SCAPER: variants seen among roughly 807,000 people sequenced by gnomAD.
SCAPER encodes the protein S phase cyclin A-associated protein in the endoplasmic reticulum.
A neutral mutation model predicts 182.2 loss-of-function variants in SCAPER; 98 were observed. The observed-to-expected ratio is 0.54, with a 90% confidence interval of 0.46 to 0.64. The LOEUF is 0.64. Ranked by LOEUF, SCAPER falls within the 30% of genes least tolerant of loss-of-function variation. The probability of loss-of-function intolerance (pLI) is 0.00; values close to 1 mark genes in which losing one functional copy is unlikely to be tolerated. For synonymous variants in SCAPER, 605 were observed against 564.6 expected (o/e 1.07, Z -1.01); for missense variants, 1,432 against 1,690.0 (o/e 0.85, Z 2.68).
At chr15:76,843,805 A>G (rs1303506694) in intron 4 of SCAPER, among the ~76,000 whole-genome samples, 1 of 152,156 alleles carries the variant, frequency 6.6e-6, no homozygotes, top group East Asian at 1.9e-4. Flanking sequence ...CTTTAAAAAA[A>G]AAAATCATAG....
intron 20 of SCAPER, among the ~76,000 whole-genome samples, chr15:76,675,906 C>T (rs1428331832): frequency 6.6e-6 from 1 of 151,964 alleles, no homozygotes; most frequent in African/African-American, 2.4e-5. Context: ...CTTACTACAA[C>T]CTCCACCTCC....
At position 76,598,891 on chromosome 15, in the gene SCAPER, C is replaced by T. The variant is rs187130140; in HGVS notation, c.2711+22873G>A. On this transcript the variant is annotated intron_variant, in intron 22 of 31. Transcript: ENST00000563290. Reference sequence around the variant, plus strand: ...GTGCAGCATGGCACATGTATACCTACGTAACCTGTATGTTCTGCACATTTA... The same window carrying T: ...GTGCAGCATGGCACATGTATACCTATGTAACCTGTATGTTCTGCACATTTA... Among the ~76,000 whole-genome samples the T allele has an allele frequency of 9.4e-4, 110 of 116,570 alleles. 33 individuals are homozygous for T. The highest frequency in any genetic ancestry group is 7.0e-4 in the Non-Finnish European group (34 of 48,268). 76.5% of individuals were successfully genotyped at this position (116,570 alleles called of 152,430 possible).
At chr15:76,718,657 A>AG (rs1471892489) in intron 17 of SCAPER, among the ~76,000 whole-genome samples, 1 of 151,862 alleles carries the variant, frequency 6.6e-6, no homozygotes, top group Non-Finnish European at 1.5e-5. Context: ...GAAAAAAAAA[A>AG]CAAAAACAAA....
At chr15:76,904,695 A>C (rs1244738765) in intron 1 of SCAPER, 1 of 152,344 alleles carries the variant, frequency 6.6e-6, no homozygotes, top group Non-Finnish European at 1.5e-5. Context: ...GCTGGGTCCC[A>C]CTACTCCCAG....
At chr15:76,357,188 A>ACACACACACACACC (rs774672151) in intron 29 of SCAPER, among the ~76,000 whole-genome samples, 145 of 149,176 alleles carry the variant, frequency 9.7e-4, no homozygotes, top group Non-Finnish European at 1.5e-3. Context: ...ACACACACAC[A>ACACACACACACACC]CCCCTATGGC....
intron 24 of SCAPER, among the ~76,000 whole-genome samples, chr15:76,487,687 A>G (rs1035528042): frequency 1.3e-5 from 2 of 152,122 alleles, no homozygotes; most frequent in African/African-American, 4.8e-5. Context: ...CTACTCTAAT[A>G]AAGTCTGTTA....
intron 18 of SCAPER, 98 bp from the exon 19 acceptor site, chr15:76,703,100 G>T: frequency 7.5e-7 from 1 of 1,338,550 alleles, no homozygotes. Flanking sequence ...AAAAATAATA[G>T]AATGTCGTTT....
At chr15:76,650,871 T>A (rs2054976246) in intron 21 of SCAPER, among the ~76,000 whole-genome samples, 1 of 152,028 alleles carries the variant, frequency 6.6e-6, no homozygotes, top group Non-Finnish European at 1.5e-5. Context: ...CAAAAAGATA[T>A]CTGGAAAGTT....
chr15:76,819,950 A>G (rs3099139), intron 5 of SCAPER, among the ~76,000 whole-genome samples: 23,233 of 152,238 alleles, frequency 0.15, 1,985 homozygotes, highest in African/African-American at 0.24. Context: ...ACATTTCTCA[A>G]AAGAAGACAT....
chr15:76,701,681 C>T, intron 20 of SCAPER, 77 bp downstream of exon 20: 2 of 1,106,928 alleles, frequency 1.8e-6, no homozygotes, highest in Non-Finnish European at 2.7e-6. Context: ...TAAATACAAA[C>T]ACGGAATTCT....
intron 22 of SCAPER, among the ~76,000 whole-genome samples, chr15:76,581,426 G>A (rs1347818540): frequency 2.0e-5 from 3 of 151,934 alleles, no homozygotes; most frequent in African/African-American, 4.8e-5. Flanking sequence ...ACAAGCAAAT[G>A]GAATTCAACA....
At chr15:76,728,030 C>T (rs1048055825) in intron 17 of SCAPER, among the ~76,000 whole-genome samples, 1 of 151,952 alleles carries the variant, frequency 6.6e-6, no homozygotes, top group African/African-American at 2.4e-5. Flanking sequence ...CTACCAACTT[C>T]GCTATAATTC....
At chr15:76,487,968 T>C (rs2051826012) in intron 24 of SCAPER, among the ~76,000 whole-genome samples, 1 of 152,196 alleles carries the variant, frequency 6.6e-6, no homozygotes. Context: ...TTCTCAATAC[T>C]ACTGGGGTGG....
chr15:76,838,281 T>C (rs2069129399), intron 5 of SCAPER, among the ~76,000 whole-genome samples: 1 of 152,166 alleles, frequency 6.6e-6, no homozygotes, highest in South Asian at 2.1e-4. Flanking sequence ...GCCATTATCC[T>C]AAGCAAACTA....
chr15:76,623,447 TTA>T (rs1412538486), intron 21 of SCAPER, among the ~76,000 whole-genome samples: 2 of 152,228 alleles, frequency 1.3e-5, no homozygotes, highest in Non-Finnish European at 2.9e-5. Context: ...GGGGTCTAAT[TTA>T]TTTCTTCTGC....
chr15:76,372,700 C>G (rs1016424396), intron 29 of SCAPER, among the ~76,000 whole-genome samples: 3 of 152,174 alleles, frequency 2.0e-5, no homozygotes, highest in Non-Finnish European at 4.4e-5. Flanking sequence ...AAATTACTCA[C>G]CTCTTTCAAA....
intron 20 of SCAPER, among the ~76,000 whole-genome samples, chr15:76,685,348 A>C (rs1164275607): frequency 6.6e-6 from 1 of 152,072 alleles, no homozygotes; most frequent in Non-Finnish European, 1.5e-5. Context: ...AATTTGAGTT[A>C]TAAACAATGC....
At chr15:76,616,043 C>G (rs1027932368) in intron 22 of SCAPER, among the ~76,000 whole-genome samples, 68 of 152,130 alleles carry the variant, frequency 4.5e-4, no homozygotes, top group African/African-American at 1.5e-3. Context: ...AATGGTATAG[C>G]TACTGTGGAA....
chr15:76,652,193 G>A (rs1373521593), intron 21 of SCAPER, among the ~76,000 whole-genome samples: 3 of 139,876 alleles, frequency 2.1e-5, no homozygotes, highest in Admixed American at 1.5e-4. Context: ...TGAGGCAGGT[G>A]GATCACTTGA....
Sources: gnomAD v4.1 joint callset for allele counts (sites outside exome capture counted in the v4.1 genomes callset) on GRCh38, gnomAD v4.1.1 for gene constraint, MANE v1.5 for transcripts, NCBI Gene and HGNC (gene_info 2026-07-23, HGNC 2026-07-21) for gene names.